ARHGAP8: variants seen among roughly 807,000 people sequenced by gnomAD.
The protein encoded by ARHGAP8 is rho GTPase-activating protein 8.
ARHGAP8 carries 62 observed loss-of-function variants against 46.1 expected under a neutral mutation model. The observed-to-expected ratio is 1.34, with a 90% CI of 1.10 to 1.66. The LOEUF is 1.66. ARHGAP8 is among the 40% of genes most tolerant of loss of function. The probability of loss-of-function intolerance (pLI) is 0.00; values close to 1 mark genes in which losing one functional copy is unlikely to be tolerated. For missense variants in ARHGAP8, 923 were observed against 568.4 expected (o/e 1.62, Z -6.34); for synonymous variants, 375 against 243.1 (o/e 1.54, Z -5.05).
intron 5 of ARHGAP8, 54 bp from the exon 6 acceptor site, chr22:44,822,317 G>A: frequency 8.0e-6 from 12 of 1,492,126 alleles, no homozygotes; most frequent in South Asian, 5.2e-5. Context: ...TGCAACCCTC[G>A]GCCTCTCTGC....
intron 5 of ARHGAP8, among the ~76,000 whole-genome samples, chr22:44,820,558 C>T (rs1930054122): frequency 6.6e-6 from 1 of 152,162 alleles, no homozygotes. Flanking sequence ...GACACTCCTG[C>T]AGGGGTCCCA....
intron 3 of ARHGAP8, among the ~76,000 whole-genome samples, chr22:44,807,875 C>T (rs1239829744): frequency 1.3e-5 from 2 of 152,172 alleles, no homozygotes; most frequent in Non-Finnish European, 2.9e-5. Flanking sequence ...CGTGACCTTC[C>T]GCCCTCTGAC....
intron 1 of ARHGAP8, among the ~76,000 whole-genome samples, chr22:44,774,254 T>C (rs1926251842): frequency 6.6e-6 from 1 of 152,204 alleles, no homozygotes. Context: ...AGATGGATTT[T>C]AGTCTTGGTG....
chr22:44,843,117 C>T (rs1028557885), intron 7 of ARHGAP8, among the ~76,000 whole-genome samples: 1 of 152,214 alleles, frequency 6.6e-6, no homozygotes, highest in Non-Finnish European at 1.5e-5. Flanking sequence ...GGAAGCCTTT[C>T]TCTCTCTGGA....
rs190576023 is a variant in ARHGAP8 at position 44,774,381 on chromosome 22, T to G, written c.-71-12076T>G. ...GCCAAGGCTGACACAGCTGCAGTGA[T>G]AGGACATTGTAGTTTGAATATAAGT... On this transcript the variant is annotated intron_variant, in intron 1 of 11. Transcript: ENST00000356099. 3.3e-5 allele frequency among the ~76,000 whole-genome samples: 5 copies of G among 152,322 alleles called. No individual in the cohort carries two copies. In the East Asian group the frequency reaches 9.6e-4, roughly 29 times the overall value.
chr22:44,833,533 G>C (rs1026204620), intron 7 of ARHGAP8, among the ~76,000 whole-genome samples: 1 of 152,088 alleles, frequency 6.6e-6, no homozygotes, highest in Non-Finnish European at 1.5e-5. Flanking sequence ...TGTTCATGGT[G>C]TATAATCTTT....
At chr22:44,800,274 T>C (rs1928403255) in intron 2 of ARHGAP8, among the ~76,000 whole-genome samples, 1 of 152,004 alleles carries the variant, frequency 6.6e-6, no homozygotes, top group South Asian at 2.1e-4. Flanking sequence ...TGGCTAATTT[T>C]TTTGTATTTT....
At chr22:44,758,783 G>A (rs964486725) in intron 1 of ARHGAP8, among the ~76,000 whole-genome samples, 3 of 152,222 alleles carry the variant, frequency 2.0e-5, no homozygotes, top group Non-Finnish European at 4.4e-5. Flanking sequence ...TTTCAGGCTT[G>A]TGCAGGGGTT....
At chr22:44,821,765 G>T (rs1049621633) in intron 5 of ARHGAP8, among the ~76,000 whole-genome samples, 3 of 152,228 alleles carry the variant, frequency 2.0e-5, no homozygotes, top group Non-Finnish European at 2.9e-5. Context: ...CCCTGAGAGG[G>T]AGTGAATTGC....
Position 44,848,004 on chromosome 22 carries a change from CG to C in ARHGAP8, c.703del (p.Ala235ProfsTer19), listed in dbSNP as rs1569178190. On this transcript the variant is annotated frameshift_variant, in exon 9 of 12. Transcript: ENST00000356099. LOFTEE classifies it high-confidence loss of function. ...GCACCGAGGGCCTGTTCCGGAGATC[CG>C]CCAGCGTGCAGACCGTCCGCGAGAT... ...LRTEGLFRRS[A>X]SVQTVREIQR... 1 of 1,608,204 alleles carries C rather than the reference CG, an allele frequency of 6.2e-7. No individual in the cohort carries two copies. Among genetic ancestry groups the C allele is most frequent in the Non-Finnish European group, 8.5e-7 (1 of 1,179,942 alleles).
At chr22:44,832,707 T>C (rs944484452) in intron 7 of ARHGAP8, among the ~76,000 whole-genome samples, 14 of 152,210 alleles carry the variant, frequency 9.2e-5, no homozygotes, top group African/African-American at 3.1e-4. Flanking sequence ...CAAATAGAGA[T>C]GGCTTTACTT....
At chr22:44,786,036 C>G (rs543321621) in intron 1 of ARHGAP8, 81 of 213,744 alleles carry the variant, frequency 3.8e-4, no homozygotes, top group Non-Finnish European at 6.8e-4. Context: ...AGTATCTGAC[C>G]CTTAGGTCTT....
intron 1 of ARHGAP8, among the ~76,000 whole-genome samples, chr22:44,774,099 G>A (rs1926241338): frequency 6.6e-6 from 1 of 152,174 alleles, no homozygotes; most frequent in Non-Finnish European, 1.5e-5. Flanking sequence ...AGGCTCTCCA[G>A]GTAGTCTGGC....
rs2147213685 is a variant in ARHGAP8, at chr22:44,862,366, C to T, written c.1073C>T (p.Ser358Phe). 6.2e-7 allele frequency: 1 copy of T among 1,614,124 alleles called. No homozygotes were observed. Among genetic ancestry groups the T allele is most frequent in the East Asian group, 2.2e-5 (1 of 44,876 alleles). Residue 358 changes from serine to phenylalanine, a missense_variant, in exon 12 of 12, where the codon TCC (serine) becomes TTC (phenylalanine). Ser to Phe is a radical substitution (Grantham distance 155). Transcript: ENST00000356099. ...TTGATCTGGCCATCCCAGGGGGTCT[C>T]CTCCCTGAGTGCCCTTGTGCCCCTG... Reference protein sequence around the residue: ...LNLIWPSQGVSSLSALVPLNM... With the variant: ...LNLIWPSQGVFSLSALVPLNM...
intron 3 of ARHGAP8, among the ~76,000 whole-genome samples, chr22:44,803,670 C>T (rs1297407928): frequency 1.0e-4 from 13 of 129,434 alleles, no homozygotes; most frequent in Non-Finnish European, 2.0e-4. Context: ...CATGCACACA[C>T]CCCCTCCCGT....
intron 1 of ARHGAP8, among the ~76,000 whole-genome samples, chr22:44,781,879 G>A (rs1926871753): frequency 6.6e-6 from 1 of 151,378 alleles, no homozygotes; most frequent in Non-Finnish European, 1.5e-5. Context: ...GTGTTGCCCA[G>A]GCTGGAGTGC....
At chr22:44,859,398 CCTT>C (rs2070353524) in intron 10 of ARHGAP8, among the ~76,000 whole-genome samples, 1 of 151,704 alleles carries the variant, frequency 6.6e-6, no homozygotes, top group African/African-American at 2.4e-5. Flanking sequence ...TGATGCACCT[CCTT>C]CCTTTTTGCC....
At chr22:44,822,960 G>A (rs989908823) in intron 6 of ARHGAP8, among the ~76,000 whole-genome samples, 1 of 152,198 alleles carries the variant, frequency 6.6e-6, no homozygotes, top group African/African-American at 2.4e-5. Flanking sequence ...TGCCCAGAAA[G>A]GCGTATGCCA....
intron 10 of ARHGAP8, chr22:44,849,731 A>AG (rs2070048421): frequency 6.6e-6 from 1 of 152,214 alleles, no homozygotes; most frequent in Non-Finnish European, 1.5e-5. Context: ...TAACAGTCGA[A>AG]GGGGGGAGCT....
Sources: gnomAD v4.1 joint callset for allele counts (sites outside exome capture counted in the v4.1 genomes callset) on GRCh38, gnomAD v4.1.1 for gene constraint, MANE v1.5 for transcripts, NCBI Gene and HGNC (gene_info 2026-07-23, HGNC 2026-07-21) for gene names.